LRRIQ3: variants seen among roughly 807,000 people sequenced by gnomAD.
LRRIQ3 encodes the protein leucine rich repeats and IQ motif containing 3, also known as leucine-rich repeat and IQ domain-containing protein 3.
LRRIQ3 carries 75 observed loss-of-function variants against 59.3 expected under a neutral mutation model. The observed-to-expected ratio is 1.26, with a 90% CI of 1.05 to 1.53. The LOEUF (loss-of-function observed/expected upper bound fraction) is 1.53, where lower values mean the gene tolerates loss of function less well. Among genes scored for constraint, LRRIQ3 ranks in the 40% most tolerant of loss-of-function variants. The probability of loss-of-function intolerance (pLI) is 0.00; values close to 1 mark genes in which losing one functional copy is unlikely to be tolerated. For synonymous variants in LRRIQ3, 250 were observed against 231.3 expected, an observed-to-expected ratio of 1.08 and a Z score of -0.73; for missense variants, 831 against 710.0, an observed-to-expected ratio of 1.17 and a Z score of -1.94.
chr1:74,143,679 A>G (rs1466521823), intron 4 of LRRIQ3, among the ~76,000 whole-genome samples: 1 of 151,608 alleles, frequency 6.6e-6, no homozygotes, highest in South Asian at 2.1e-4. Flanking sequence ...CACACTCAGC[A>G]TTCAGAATTA....
chr1:74,144,768 C>A (rs2100644734), intron 4 of LRRIQ3, among the ~76,000 whole-genome samples: 1 of 151,684 alleles, frequency 6.6e-6, no homozygotes, highest in African/African-American at 2.4e-5. Context: ...CAGGCTATAT[C>A]AGATTTTTCC....
chr1:74,117,126 A>G (rs1646788325), intron 4 of LRRIQ3, among the ~76,000 whole-genome samples: 1 of 152,158 alleles, frequency 6.6e-6, no homozygotes, highest in African/African-American at 2.4e-5. Context: ...ATATCAAAAT[A>G]TTTTAAATAG....
chr1:74,183,299 T>C, intron 2 of LRRIQ3, 137 bp downstream of exon 2: 1 of 706,644 alleles, frequency 1.4e-6, no homozygotes, highest in Non-Finnish European at 2.2e-6. Flanking sequence ...TACATGCTTT[T>C]AATTTATTGT....
chr1:74,176,800 G>GA (rs753788539), intron 3 of LRRIQ3, among the ~76,000 whole-genome samples: 1 of 152,096 alleles, frequency 6.6e-6, no homozygotes, highest in Non-Finnish European at 1.5e-5. Flanking sequence ...GGAGGGGCAG[G>GA]AATGTTGTAC....
At chr1:74,189,532 C>G (rs546085318) in intron 1 of LRRIQ3, among the ~76,000 whole-genome samples, 1 of 152,180 alleles carries the variant, frequency 6.6e-6, no homozygotes, top group Non-Finnish European at 1.5e-5. Flanking sequence ...GGGTTTAGAA[C>G]AGTGTTTGGC....
At chr1:74,143,363 G>A (rs112395133) in intron 4 of LRRIQ3, among the ~76,000 whole-genome samples, 9 of 152,008 alleles carry the variant, frequency 5.9e-5, no homozygotes, top group African/African-American at 2.2e-4. Flanking sequence ...AGATAGCATT[G>A]AAAGAAGTAA....
chr1:74,097,151 T>C (rs1399257456), intron 5 of LRRIQ3, among the ~76,000 whole-genome samples: 1 of 152,148 alleles, frequency 6.6e-6, no homozygotes, highest in Non-Finnish European at 1.5e-5. Context: ...ACAAAGAAGC[T>C]AAAATCCTTG....
At chr1:74,186,390 GATA>G (rs1650379329) in intron 1 of LRRIQ3, among the ~76,000 whole-genome samples, 1 of 152,024 alleles carries the variant, frequency 6.6e-6, no homozygotes. Context: ...ACTGATCTCA[GATA>G]TATTAGAGAA....
intron 3 of LRRIQ3, among the ~76,000 whole-genome samples, chr1:74,167,128 T>C (rs999617660): frequency 6.6e-6 from 1 of 151,992 alleles, no homozygotes; most frequent in African/African-American, 2.4e-5. Flanking sequence ...GAAGTCATTA[T>C]ACAAAAAAGA....
chr1:74,169,243 T>C (rs1649178706), intron 3 of LRRIQ3, among the ~76,000 whole-genome samples: 1 of 152,136 alleles, frequency 6.6e-6, no homozygotes, highest in Non-Finnish European at 1.5e-5. Flanking sequence ...TTGTCACAAA[T>C]GGTAGGATTT....
intron 5 of LRRIQ3, among the ~76,000 whole-genome samples, chr1:74,090,444 C>T (rs1646382291): frequency 6.6e-6 from 1 of 151,424 alleles, no homozygotes; most frequent in African/African-American, 2.4e-5. Flanking sequence ...TAAAATACAG[C>T]TAAAAAGAGA....
In LRRIQ3 at chr1:74,084,218, T is replaced by G. The variant is rs754955169; in HGVS notation, c.868-9428A>C. The G allele has an allele frequency of 1.9e-6, 3 of 1,545,658 alleles. No individual in the cohort carries two copies. In the South Asian group the frequency reaches 3.6e-5, roughly 18 times the overall value. On this transcript the variant is annotated intron_variant, in intron 5 of 7. Coordinates refer to ENST00000354431, the MANE Select transcript of LRRIQ3 (RefSeq NM_001105659.2). Reference sequence around the variant, plus strand: ...ATTGACCCATAATTTTTTTTTATCCTGAAGAAAAATACAGTAATAAAGTTT... The same window carrying G: ...ATTGACCCATAATTTTTTTTTATCCGGAAGAAAAATACAGTAATAAAGTTT...
chr1:74,063,664 T>TG (rs1654791361), intron 6 of LRRIQ3, among the ~76,000 whole-genome samples: 1 of 152,094 alleles, frequency 6.6e-6, no homozygotes, highest in African/African-American at 2.4e-5. Flanking sequence ...CTAGCAACAC[T>TG]GTTTTTTCAT....
chr1:74,188,762 T>G (rs1440811312), intron 1 of LRRIQ3, among the ~76,000 whole-genome samples: 4 of 152,096 alleles, frequency 2.6e-5, no homozygotes, highest in Non-Finnish European at 5.9e-5. Flanking sequence ...CATGTCTGTC[T>G]TTTCCTTTCC....
chr1:74,180,964 T>A (rs945397162), intron 3 of LRRIQ3: 2 of 650,440 alleles, frequency 3.1e-6, no homozygotes, highest in African/African-American at 3.7e-5. Context: ...TTAGTTTTAT[T>A]TTTGTTTCCA....
chr1:74,180,480 C>A (rs753103111), intron 3 of LRRIQ3: 23 of 422,852 alleles, frequency 5.4e-5, no homozygotes, highest in Non-Finnish European at 8.8e-5. Flanking sequence ...AATATCCTGC[C>A]TCAAAGAAGT....
chr1:74,198,118 C>A lies in LRRIQ3; in HGVS notation c.-123G>T. 4 of 1,402,364 alleles carry A rather than the reference C, an allele frequency of 2.9e-6. No individual in the cohort carries two copies. The highest frequency in any genetic ancestry group is 2.5e-5 in the East Asian group (1 of 40,634). The allele number at this position is 1,402,364 out of a possible 1,614,324, so 86.9% of individuals were successfully genotyped here. On this transcript the variant is annotated 5_prime_UTR_variant, in exon 1 of 8. Transcript: ENST00000354431. ...CGTTGCTAGAGAAACAAGACAACAT[C>A]CAAGTTCTCCACATCATGGTTTTCC...
At chr1:74,100,627 C>T (rs368047115) in intron 5 of LRRIQ3, among the ~76,000 whole-genome samples, 31 of 151,986 alleles carry the variant, frequency 2.0e-4, no homozygotes, top group Admixed American at 5.2e-4. Context: ...AGAACAAAGC[C>T]GGAGGCATCA....
chr1:74,026,874 GT>G lies in LRRIQ3; in HGVS notation c.1813del (p.Thr605GlnfsTer3), dbSNP rs1228131397. On this transcript the variant is annotated frameshift_variant, in exon 8 of 8. Transcript: ENST00000354431. LOFTEE classifies it low-confidence loss of function (END_TRUNC). ...ATTTGTTTTCACAATTGCTACTTTT[GT>G]TTTAGCATCTTGAAGTCTTTCACAG... Reference protein sequence around the residue: ...KACERLQDAKTKVAIVKTNLD... With the variant: ...KACERLQDAKXKVAIVKTNLD... 2.5e-6 allele frequency: 4 copies of G among 1,607,970 alleles called. No homozygotes were observed. Among genetic ancestry groups the G allele is most frequent in the African/African-American group, 1.3e-5 (1 of 74,726 alleles).
Sources: allele counts gnomAD v4.1 joint callset (sites outside exome capture counted in the v4.1 genomes callset), GRCh38; gene constraint gnomAD v4.1.1; transcripts MANE v1.5; gene names NCBI Gene and HGNC (gene_info 2026-07-23, HGNC 2026-07-21).